The following HIVEP3 variants were observed in gnomAD, a reference collection of about 807,000 sequenced individuals.
HIVEP3 encodes the protein transcription factor HIVEP3.
In HIVEP3, 49 loss-of-function variants were observed where a neutral mutation model predicts 152.8. The ratio of observed to expected loss-of-function variants is 0.32; its 90% confidence interval spans 0.26 to 0.41. HIVEP3 has a LOEUF of 0.41. Among genes scored for constraint, HIVEP3 ranks in the 10% least tolerant of loss-of-function variants. The pLI is 1.00. For missense variants in HIVEP3, 2,790 were observed against 3,103.3 expected, an observed-to-expected ratio of 0.90 and a Z score of 2.40; for synonymous variants, 1,269 against 1,289.0, an observed-to-expected ratio of 0.98 and a Z score of 0.33.
At position 41,897,926 on chromosome 1, in the gene HIVEP3, C is replaced by A. The variant is rs928614918; in HGVS notation, c.-801+20487G>T. On this transcript the variant is annotated intron_variant, in intron 1 of 8. Transcript: ENST00000372583. ...GGAGGACCCAGGGTAGAAGGAAAGACCTGAGAGAGAGGGAGAGAGAGAGAG... is the reference window on the plus strand; with the variant it reads ...GGAGGACCCAGGGTAGAAGGAAAGAACTGAGAGAGAGGGAGAGAGAGAGAG... Among the ~76,000 whole-genome samples the A allele has an allele frequency of 3.8e-5, 5 of 132,962 alleles. No homozygotes were observed. In the Admixed American group the frequency reaches 4.0e-4, roughly 11 times the overall value. 87.2% of individuals were successfully genotyped at this position (132,962 alleles called of 152,430 possible). A position where few individuals can be genotyped will look rare whatever the true frequency, so the allele number is the denominator to read the frequency against.
intron 8 of HIVEP3, 69 bp downstream of exon 8, chr1:41,512,734 TGTGATACCCAGGA>T: frequency 8.8e-7 from 1 of 1,130,142 alleles, no homozygotes; most frequent in Admixed American, 2.9e-5. Context: ...TAGTTCCAGG[TGTGATACCCAGGA>T]GGGTGTGAAC....
Position 41,914,204 on chromosome 1 carries a change from C to T in HIVEP3, c.-801+4209G>A, listed in dbSNP as rs964412050. Reference sequence around the variant, plus strand: ...CCAACTGTGAAACCTCCCAACAGGGCAGTCCTCTGGATAGTGTGGTTCAGT... The same window carrying T: ...CCAACTGTGAAACCTCCCAACAGGGTAGTCCTCTGGATAGTGTGGTTCAGT... On this transcript the variant is annotated intron_variant, in intron 1 of 8. Coordinates refer to ENST00000372583, the MANE Select transcript of HIVEP3 (RefSeq NM_024503.5). 2.6e-5 allele frequency among the ~76,000 whole-genome samples: 4 copies of T among 152,224 alleles called. No individual in the cohort carries two copies. In the East Asian group the frequency reaches 7.7e-4, roughly 29 times the overall value.
intron 1 of HIVEP3, among the ~76,000 whole-genome samples, chr1:41,950,648 G>C (rs1645101670): frequency 6.6e-6 from 1 of 152,116 alleles, no homozygotes; most frequent in African/African-American, 2.4e-5. Context: ...ATTTACTTCT[G>C]ACTTTGTTTT....
Position 41,582,221 on chromosome 1 carries a change from T to C in HIVEP3, c.2577A>G (p.Leu859=). The C allele has an allele frequency of 6.2e-7, 1 of 1,613,948 alleles. No individual in the cohort carries two copies. Among genetic ancestry groups the C allele is most frequent in the Non-Finnish European group, 8.5e-7 (1 of 1,179,942 alleles). The change falls in exon 4 of 9, where the codon CTA becomes CTG. Residue 859 remains leucine (L), a synonymous_variant. Transcript: ENST00000372583. The surrounding 1 kb of genome is among the most constrained non-coding windows in gnomAD (Gnocchi z 4.7). The stretch of plus-strand genomic sequence containing the variant: ...CCGGCCGGTCAGGCTCCTCAGTTAC[T>C]AGGATCTCAGGAACCTGAATGTTGG... ...RQPNIQVPEI[L]VTEEPDRPDT... is the part of the protein sequence containing the mutation.
intron 1 of HIVEP3, among the ~76,000 whole-genome samples, chr1:41,959,334 C>G (rs1032874887): frequency 6.6e-6 from 1 of 152,162 alleles, no homozygotes; most frequent in Non-Finnish European, 1.5e-5. Context: ...ATTTATTTTT[C>G]TTGCCTGCAG....
At chr1:41,996,373 G>A (rs1645395884) in intron 1 of HIVEP3, among the ~76,000 whole-genome samples, 1 of 146,600 alleles carries the variant, frequency 6.8e-6, no homozygotes, top group African/African-American at 2.6e-5. Flanking sequence ...CTGGGTGACA[G>A]AGCAAGAACC....
chr1:41,951,593 G>A (rs1645107517), intron 1 of HIVEP3, among the ~76,000 whole-genome samples: 1 of 152,188 alleles, frequency 6.6e-6, no homozygotes, highest in African/African-American at 2.4e-5. Flanking sequence ...ATGAAGAAAT[G>A]TCTGAGACTG....
chr1:42,020,590 C>G (rs1474332126), intron 1 of HIVEP3, among the ~76,000 whole-genome samples: 1 of 152,100 alleles, frequency 6.6e-6, no homozygotes, highest in Admixed American at 6.6e-5. Context: ...AAATCTCTTA[C>G]AAAATGATAT....
chr1:41,785,964 C>T (rs1371489674), intron 1 of HIVEP3, among the ~76,000 whole-genome samples: 1 of 152,304 alleles, frequency 6.6e-6, no homozygotes, highest in East Asian at 1.9e-4. Context: ...TGCCATTGCA[C>T]TCCAGCCTGG....
intron 1 of HIVEP3, among the ~76,000 whole-genome samples, chr1:42,019,762 T>C (rs1645543545): frequency 6.6e-6 from 1 of 152,010 alleles, no homozygotes. Context: ...CTAGGATCTC[T>C]AATGCAATGC....
rs1173372089 is a variant in HIVEP3 at position 41,582,680 on chromosome 1, G to T, written c.2118C>A (p.Thr706=). 5 of 1,614,100 alleles carry T rather than the reference G, an allele frequency of 3.1e-6. No individual in the cohort carries two copies. The highest frequency in any genetic ancestry group is 4.2e-6 in the Non-Finnish European group (5 of 1,180,006). ...TCTTCCTCAGTGGAGTGAGTTCCAG[G>T]GTGGTTCCCAGTTTGTAATGCATCA... ...SQMMHYKLGT[T]LELTPLRKRR... The change falls in exon 4 of 9, where the codon ACC becomes ACA. Residue 706 remains threonine (T), a synonymous_variant. Transcript: ENST00000372583. This position sits in a 1 kb window ranked among gnomAD's most constrained non-coding sequence, Gnocchi z 4.7.
intron 1 of HIVEP3, among the ~76,000 whole-genome samples, chr1:41,792,984 T>G (rs1261900431): frequency 6.6e-6 from 1 of 152,176 alleles, no homozygotes; most frequent in Non-Finnish European, 1.5e-5. Flanking sequence ...TGGATTCTGC[T>G]CTTTCCAATG....
At chr1:41,989,270 CTTGA>C (rs1194016263) in intron 1 of HIVEP3, among the ~76,000 whole-genome samples, 6 of 152,198 alleles carry the variant, frequency 3.9e-5, no homozygotes, top group Non-Finnish European at 8.8e-5. Flanking sequence ...TGTTAATTAG[CTTGA>C]TTTAGTTATT....
chr1:41,655,915 C>A (rs919235494), intron 2 of HIVEP3, among the ~76,000 whole-genome samples: 1 of 152,162 alleles, frequency 6.6e-6, no homozygotes, highest in Admixed American at 6.5e-5. Context: ...CTTGCTTCCA[C>A]CCTGGTAACT....
At chr1:41,781,133 C>T (rs771656939) in intron 1 of HIVEP3, among the ~76,000 whole-genome samples, 1 of 152,168 alleles carries the variant, frequency 6.6e-6, no homozygotes, top group African/African-American at 2.4e-5. Context: ...AATGAGAAGG[C>T]CGTGTGCATT....
chr1:41,605,375 GCACACA>G (rs57942643), intron 3 of HIVEP3, among the ~76,000 whole-genome samples: 112 of 126,696 alleles, frequency 8.8e-4, no homozygotes, highest in Admixed American at 1.3e-3. Flanking sequence ...ACGCACACGC[GCACACA>G]CACACACACA....
chr1:41,853,216 G>A (rs183801860), intron 1 of HIVEP3, among the ~76,000 whole-genome samples: 9 of 152,312 alleles, frequency 5.9e-5, no homozygotes, highest in African/African-American at 1.9e-4. Flanking sequence ...GATGTAATGA[G>A]GGCTAGAATC....
chr1:41,791,623 G>A (rs1649703245), intron 1 of HIVEP3, among the ~76,000 whole-genome samples: 1 of 151,936 alleles, frequency 6.6e-6, no homozygotes, highest in Non-Finnish European at 1.5e-5. Context: ...TGCTGATATT[G>A]TGGTGCTACC....
chr1:41,829,339 T>C (rs1190656869), intron 1 of HIVEP3, among the ~76,000 whole-genome samples: 4 of 152,210 alleles, frequency 2.6e-5, no homozygotes, highest in Admixed American at 6.5e-5. Context: ...CCAATTACTT[T>C]CATGTATATC....
Sources: gnomAD v4.1 joint callset for allele counts (sites outside exome capture counted in the v4.1 genomes callset) on GRCh38, gnomAD v4.1.1 for gene constraint, Gnocchi (gnomAD v3.1) non-coding constraint, MANE v1.5 for transcripts, NCBI Gene and HGNC (gene_info 2026-07-23, HGNC 2026-07-21) for gene names.